DDX46: variants seen among roughly 807,000 people sequenced by gnomAD.
The protein encoded by DDX46 is DEAD-box helicase 46.
A neutral mutation model predicts 134.9 loss-of-function variants in DDX46; 30 were observed. The observed-to-expected ratio is 0.22, with a 90% CI of 0.17 to 0.30. The LOEUF (loss-of-function observed/expected upper bound fraction) is 0.30. Among genes scored for constraint, DDX46 ranks in the 10% least tolerant of loss-of-function variants. The pLI is 1.00. For synonymous variants in DDX46, 415 were observed against 404.1 expected (o/e 1.03, Z -0.32); for missense variants, 622 against 1,248.7 (o/e 0.50, Z 7.56).
intron 21 of DDX46, among the ~76,000 whole-genome samples, chr5:134,819,274 T>C (rs1755375139): frequency 6.6e-6 from 1 of 152,224 alleles, no homozygotes. Flanking sequence ...CTGACCTGTT[T>C]ATGCTTCTAG....
At chr5:134,760,077 T>C (rs1250556419) in intron 1 of DDX46, among the ~76,000 whole-genome samples, 1 of 152,218 alleles carries the variant, frequency 6.6e-6, no homozygotes, top group Non-Finnish European at 1.5e-5. Flanking sequence ...TCTTCCTCTG[T>C]TGCTCTCCTA....
chr5:134,783,254 T>C (rs537371817), intron 9 of DDX46, among the ~76,000 whole-genome samples, 189 bp downstream of exon 9: 1 of 151,896 alleles, frequency 6.6e-6, no homozygotes, highest in Non-Finnish European at 1.5e-5. Context: ...TTGTTTTGTT[T>C]TGTTTTGTTT....
intron 13 of DDX46, among the ~76,000 whole-genome samples, 153 bp from the exon 14 acceptor site, chr5:134,794,697 G>A (rs1430936494): frequency 6.6e-6 from 1 of 152,210 alleles, no homozygotes; most frequent in Non-Finnish European, 1.5e-5. Context: ...TCCTAAGCAT[G>A]TGTGGAGTTG....
At chr5:134,770,772 A>G (rs1753737999) in intron 3 of DDX46, 131 bp from the exon 4 acceptor site, 4 of 690,146 alleles carry the variant, frequency 5.8e-6, no homozygotes, top group Non-Finnish European at 9.0e-6. Flanking sequence ...AGATCGCACC[A>G]TTTCACTCCA....
intron 6 of DDX46, among the ~76,000 whole-genome samples, chr5:134,780,128 GTGTGTGTGTGTA>G (rs1456435192): frequency 6.6e-6 from 1 of 150,990 alleles, no homozygotes; most frequent in Non-Finnish European, 1.5e-5. Flanking sequence ...GTGTGTGTGT[GTGTGTGTGTGTA>G]TATGTATATA....
In DDX46 at chr5:134,764,127, T is replaced by C. The variant is rs372762698; in HGVS notation, c.206+35T>C. 15 of 1,575,488 alleles carry C rather than the reference T, an allele frequency of 9.5e-6. 1 individual carries two copies. The South Asian group carries it at 1.4e-4, about 15-fold the overall frequency. On this transcript the variant is annotated intron_variant, in intron 2 of 22. Transcript: ENST00000452510. ...TAATTAATTTCCAAAAGACGAGTGA[T>C]AAATTGGGCCTTCTCGGCTATAGCA...
chr5:134,797,874 G>A (rs547716376), intron 15 of DDX46, among the ~76,000 whole-genome samples: 8 of 152,034 alleles, frequency 5.3e-5, no homozygotes, highest in South Asian at 4.2e-4. Context: ...GTGCAATGGC[G>A]CAATCCTGGC....
At chr5:134,807,378 C>G (rs1044132241) in intron 15 of DDX46, among the ~76,000 whole-genome samples, 4 of 152,030 alleles carry the variant, frequency 2.6e-5, no homozygotes, top group South Asian at 4.2e-4. Flanking sequence ...TGGACAAAAC[C>G]GAGTAGCAAG....
intron 15 of DDX46, among the ~76,000 whole-genome samples, chr5:134,805,670 C>T (rs768891654): frequency 2.6e-5 from 4 of 151,428 alleles, no homozygotes; most frequent in Non-Finnish European, 5.9e-5. Flanking sequence ...CTGGGATTAC[C>T]GGTGGCTGCC....
At chr5:134,759,101 G>T in intron 1 of DDX46, 146 bp downstream of exon 1, 1 of 1,297,628 alleles carries the variant, frequency 7.7e-7, no homozygotes. Context: ...AGGGCTGGGG[G>T]ACCTCGGCTG....
intron 3 of DDX46, among the ~76,000 whole-genome samples, chr5:134,768,195 C>T (rs572019688): frequency 2.6e-5 from 4 of 151,452 alleles, no homozygotes; most frequent in South Asian, 4.2e-4. Context: ...CTGCAACCTT[C>T]GCCTCCCGGG....
At chr5:134,796,863 A>G (rs1754668903) in intron 15 of DDX46, among the ~76,000 whole-genome samples, 1 of 150,168 alleles carries the variant, frequency 6.7e-6, no homozygotes, top group East Asian at 2.0e-4. Context: ...TAAAAAAAAA[A>G]AAAAAAGGCC....
chr5:134,822,866 C>T (rs1450465403), intron 21 of DDX46, among the ~76,000 whole-genome samples: 1 of 152,158 alleles, frequency 6.6e-6, no homozygotes, highest in Non-Finnish European at 1.5e-5. Context: ...CGTGAGCCAC[C>T]ATGCTGGGCC....
At chr5:134,771,732 A>C (rs1753779476) in intron 4 of DDX46, among the ~76,000 whole-genome samples, 1 of 151,942 alleles carries the variant, frequency 6.6e-6, no homozygotes, top group African/African-American at 2.4e-5. Flanking sequence ...TTCTATGCCA[A>C]CAAATTTTTT....
At chr5:134,761,214 CAG>C (rs1339955953) in intron 1 of DDX46, among the ~76,000 whole-genome samples, 1 of 152,158 alleles carries the variant, frequency 6.6e-6, no homozygotes, top group East Asian at 1.9e-4. Context: ...TTTGTAGAGA[CAG>C]GGTTTCACCA....
chr5:134,820,935 G>A (rs990081391), intron 21 of DDX46, among the ~76,000 whole-genome samples: 1 of 141,946 alleles, frequency 7.0e-6, no homozygotes, highest in African/African-American at 2.7e-5. Context: ...GCACAATCTC[G>A]ACTCACTGCA....
At chr5:134,802,679 AATT>A (rs1400810857) in intron 15 of DDX46, among the ~76,000 whole-genome samples, 5 of 152,080 alleles carry the variant, frequency 3.3e-5, no homozygotes, top group African/African-American at 1.2e-4. Context: ...TCTTGATCAT[AATT>A]ATTATATGTG....
intron 15 of DDX46, among the ~76,000 whole-genome samples, chr5:134,802,802 A>ATTTCTGTTTGCATACTGGAC (rs1754872496): frequency 6.6e-6 from 1 of 151,732 alleles, no homozygotes; most frequent in South Asian, 2.1e-4. Context: ...ATGTCTAGTA[A>ATTTCTGTTTGCATACTGGAC]TTTCTGTTTG....
intron 18 of DDX46, among the ~76,000 whole-genome samples, chr5:134,815,727 A>AG (rs1372632431): frequency 6.6e-6 from 1 of 151,136 alleles, no homozygotes; most frequent in East Asian, 1.9e-4. Flanking sequence ...AAAAAAAAAA[A>AG]AAAAAGAAAT....
Sources: allele counts gnomAD v4.1 joint callset (sites outside exome capture counted in the v4.1 genomes callset), GRCh38; gene constraint gnomAD v4.1.1; transcripts MANE v1.5; gene names NCBI Gene and HGNC (gene_info 2026-07-23, HGNC 2026-07-21).